Variants in GPBP1 observed in about 807,000 individuals in gnomAD.
GPBP1 encodes GC-rich promoter binding protein 1.
Under a neutral mutation model 56.5 loss-of-function variants are expected in GPBP1, and 13 were observed. The ratio of observed to expected loss-of-function variants is 0.23; its 90% CI spans 0.15 to 0.37. The LOEUF (loss-of-function observed/expected upper bound fraction) is 0.37, where lower values mean the gene tolerates loss of function less well. GPBP1 is among the 10% of genes least tolerant of loss of function. The pLI, the probability that GPBP1 is intolerant of heterozygous loss-of-function variation, is 1.00. For missense variants in GPBP1, 477 were observed against 572.3 expected (o/e 0.83, Z 1.70); for synonymous variants, 204 against 188.9 (o/e 1.08, Z -0.66).
At position 57,236,874 on chromosome 5, in the gene GPBP1, G is replaced by C. The variant is rs879471533; in HGVS notation, c.478+842G>C. Among the ~76,000 whole-genome samples, 773 of 152,092 alleles carry C rather than the reference G, an allele frequency of 5.1e-3. 2 individuals carry two copies. Among genetic ancestry groups the C allele is most frequent in the Non-Finnish European group, 9.4e-3 (640 of 67,968 alleles). ...AACTCACTAAAACAAAAGGATTGTGGCTTTTGACAGCATACTAGTCCTAAC... is the reference window on the plus strand; with the variant it reads ...AACTCACTAAAACAAAAGGATTGTGCCTTTTGACAGCATACTAGTCCTAAC... On this transcript the variant is annotated intron_variant, in intron 6 of 11. Transcript: ENST00000506184.
chr5:57,238,231 G>A (rs547165764), intron 6 of GPBP1, among the ~76,000 whole-genome samples: 25 of 152,316 alleles, frequency 1.6e-4, no homozygotes, highest in African/African-American at 5.8e-4. Flanking sequence ...AAAGAGTGAT[G>A]TATGTTCAAG....
intron 2 of GPBP1, among the ~76,000 whole-genome samples, chr5:57,177,143 G>T (rs1753819529): frequency 6.6e-6 from 1 of 151,964 alleles, no homozygotes; most frequent in Admixed American, 6.6e-5. Context: ...CACTCAAGAG[G>T]TTATGCTGGC....
At chr5:57,252,409 G>A (rs570681346) in intron 10 of GPBP1, among the ~76,000 whole-genome samples, 26 of 151,816 alleles carry the variant, frequency 1.7e-4, no homozygotes, top group Admixed American at 1.0e-3. Context: ...TTTATTTTTC[G>A]AGACAGTGTC....
intron 4 of GPBP1, 40 bp downstream of exon 4, chr5:57,231,009 T>G (rs780260450): frequency 6.3e-7 from 1 of 1,584,512 alleles, no homozygotes; most frequent in African/African-American, 1.4e-5. Flanking sequence ...GCTAATTTTC[T>G]TTATGATTTT....
At chr5:57,237,317 C>T in intron 6 of GPBP1, 1 of 663,320 alleles carries the variant, frequency 1.5e-6, no homozygotes. Context: ...ATCAAGAATG[C>T]CAGTGAGCGT....
intron 2 of GPBP1, among the ~76,000 whole-genome samples, chr5:57,201,559 G>A (rs1755024581): frequency 6.6e-6 from 1 of 152,132 alleles, no homozygotes; most frequent in Admixed American, 6.6e-5. Context: ...CCATCTCTAG[G>A]ATTTTACATA....
At chr5:57,221,888 G>C (rs931472117) in intron 3 of GPBP1, among the ~76,000 whole-genome samples, 3 of 152,160 alleles carry the variant, frequency 2.0e-5, no homozygotes, top group African/African-American at 4.8e-5. Flanking sequence ...GATTTTTGCT[G>C]TTCTGAAGGT....
intron 2 of GPBP1, among the ~76,000 whole-genome samples, chr5:57,202,003 T>C (rs1755042128): frequency 6.6e-6 from 1 of 152,214 alleles, no homozygotes; most frequent in Non-Finnish European, 1.5e-5. Flanking sequence ...TGGCTTTGTT[T>C]TTTAATTTGA....
In GPBP1 at chr5:57,247,027, C is replaced by T. The variant is rs762255808; in HGVS notation, c.664-48C>T. On this transcript the variant is annotated intron_variant, in intron 7 of 11. Transcript: ENST00000506184. ...AATATTCACTGTTTTTGTCTTTCTC[C>T]TGTAACCTGTTTTTGATAGCCATTA... 4.5e-6 allele frequency: 7 copies of T among 1,560,326 alleles called. No homozygotes were observed. The Admixed American group carries it at 5.8e-5, about 13-fold the overall frequency.
chr5:57,260,765 C>G (rs1266335882), intron 10 of GPBP1, among the ~76,000 whole-genome samples: 2 of 152,084 alleles, frequency 1.3e-5, no homozygotes, highest in Non-Finnish European at 2.9e-5. Flanking sequence ...GTTTCCTGAT[C>G]AAATGAAGTA....
intron 6 of GPBP1, among the ~76,000 whole-genome samples, chr5:57,245,304 C>T (rs1408843461): frequency 2.0e-5 from 3 of 152,132 alleles, no homozygotes; most frequent in South Asian, 2.1e-4. Context: ...AGGTGAAGCA[C>T]CATACCGGCT....
At chr5:57,213,598 T>C (rs1755584249) in intron 2 of GPBP1, among the ~76,000 whole-genome samples, 1 of 152,182 alleles carries the variant, frequency 6.6e-6, no homozygotes, top group Non-Finnish European at 1.5e-5. Flanking sequence ...CCAGATGTCC[T>C]TTAACTTGTT....
chr5:57,245,312 G>A (rs1025573527), intron 6 of GPBP1, among the ~76,000 whole-genome samples: 2 of 152,084 alleles, frequency 1.3e-5, no homozygotes, highest in Non-Finnish European at 1.5e-5. Context: ...CACCATACCG[G>A]CTTTATCTTT....
chr5:57,180,350 A>C (rs1055126499), intron 2 of GPBP1, among the ~76,000 whole-genome samples: 1 of 152,158 alleles, frequency 6.6e-6, no homozygotes, highest in Admixed American at 6.5e-5. Flanking sequence ...TCCTGACCTC[A>C]GGTCAGATGA....
chr5:57,182,188 C>T (rs1199076871), intron 2 of GPBP1, among the ~76,000 whole-genome samples: 1 of 151,094 alleles, frequency 6.6e-6, no homozygotes, highest in Non-Finnish European at 1.5e-5. Flanking sequence ...GGCTCAAGTG[C>T]TGCTTCTGCC....
intron 2 of GPBP1, among the ~76,000 whole-genome samples, chr5:57,212,065 A>C (rs1406748063): frequency 1.3e-5 from 2 of 151,514 alleles, no homozygotes; most frequent in African/African-American, 4.9e-5. Context: ...GCCCCCTGAG[A>C]AGCTGGGATT....
At chr5:57,211,489 A>G (rs1755474006) in intron 2 of GPBP1, among the ~76,000 whole-genome samples, 1 of 151,830 alleles carries the variant, frequency 6.6e-6, no homozygotes, top group Non-Finnish European at 1.5e-5. Flanking sequence ...CACCAGGCCC[A>G]TACTTTAAGA....
rs1289479229 is a variant in GPBP1 at position 57,249,073 on chromosome 5, A to G, written c.805-336A>G. 6 of 174,932 alleles carry G rather than the reference A, an allele frequency of 3.4e-5. No individual in the cohort carries two copies. In the East Asian group the frequency reaches 8.9e-4, roughly 26 times the overall value. 10.8% of individuals were successfully genotyped at this position (174,932 alleles called of 1,614,324 possible). A position where few individuals can be genotyped will look rare whatever the true frequency, so the allele number is the denominator to read the frequency against. On this transcript the variant is annotated intron_variant, in intron 8 of 11. Transcript: ENST00000506184. ...TTTATTGGAGCTGTTACTGAACTCT[A>G]GAACTCTGTGTAACACAGTTTGAAA...
chr5:57,209,164 C>A (rs1326254061), intron 2 of GPBP1, among the ~76,000 whole-genome samples: 1 of 152,050 alleles, frequency 6.6e-6, no homozygotes, highest in Non-Finnish European at 1.5e-5. Flanking sequence ...GTGTGTTGAT[C>A]TTCTATCTTG....
Sources: allele counts gnomAD v4.1 joint callset (sites outside exome capture counted in the v4.1 genomes callset), GRCh38; gene constraint gnomAD v4.1.1; transcripts MANE v1.5; gene names NCBI Gene and HGNC (gene_info 2026-07-23, HGNC 2026-07-21).